Variants in NR3C2 observed in about 807,000 individuals in gnomAD.
NR3C2 encodes mineralocorticoid receptor.
A neutral mutation model predicts 86.4 loss-of-function variants in NR3C2; 15 were observed. That is an observed-to-expected ratio of 0.17 (90% confidence interval 0.12 to 0.27). NR3C2 has a LOEUF of 0.27. Ranked by LOEUF, NR3C2 falls within the 10% of genes least tolerant of loss-of-function variation. The pLI is 1.00. For missense variants in NR3C2, 960 were observed against 1,195.6 expected, an observed-to-expected ratio of 0.80 and a Z score of 2.91; for synonymous variants, 458 against 450.5, an observed-to-expected ratio of 1.02 and a Z score of -0.21.
chr4:148,092,060 C>T (rs1244719334), intron 8 of NR3C2, among the ~76,000 whole-genome samples: 6 of 152,144 alleles, frequency 3.9e-5, no homozygotes, highest in South Asian at 4.2e-4. Flanking sequence ...ACAGCTCTCC[C>T]GGGGATGCCC....
intron 2 of NR3C2, among the ~76,000 whole-genome samples, chr4:148,306,456 T>C (rs371595952): frequency 6.6e-6 from 1 of 152,162 alleles, no homozygotes; most frequent in East Asian, 1.9e-4. Context: ...TTCCAACATA[T>C]CCCGAAGTTT....
At chr4:148,250,205 G>A (rs1447793041) in intron 3 of NR3C2, among the ~76,000 whole-genome samples, 1 of 151,988 alleles carries the variant, frequency 6.6e-6, no homozygotes, top group Non-Finnish European at 1.5e-5. Context: ...TAGATATTGA[G>A]GAATAAGGTT....
upstream of NR3C2, chr4:148,444,168 G>A: frequency 2.0e-6 from 2 of 985,392 alleles, no homozygotes; most frequent in Non-Finnish European, 2.4e-6. Flanking sequence ...CTGGGCACGC[G>A]AGGCGGCGGC....
intron 3 of NR3C2, among the ~76,000 whole-genome samples, chr4:148,213,338 C>G (rs1438113280): frequency 6.6e-6 from 1 of 152,072 alleles, no homozygotes; most frequent in African/African-American, 2.4e-5. Context: ...ATCATACCAG[C>G]AAACCCAAGG....
At chr4:148,214,289 G>A (rs1359081866) in intron 3 of NR3C2, among the ~76,000 whole-genome samples, 1 of 152,098 alleles carries the variant, frequency 6.6e-6, no homozygotes, top group African/African-American at 2.4e-5. Context: ...TGGGCCTTAA[G>A]CTAAGAAAGA....
At chr4:148,335,177 A>G (rs1350025778) in intron 2 of NR3C2, among the ~76,000 whole-genome samples, 1 of 152,322 alleles carries the variant, frequency 6.6e-6, no homozygotes, top group Non-Finnish European at 1.5e-5. Context: ...GTGGGAGAAG[A>G]TAATTCAGCC....
At chr4:148,421,036 T>C (rs1267894675) in intron 2 of NR3C2, among the ~76,000 whole-genome samples, 2 of 152,202 alleles carry the variant, frequency 1.3e-5, no homozygotes, top group Middle Eastern at 3.2e-3. Flanking sequence ...AACAGACTAA[T>C]ACACCCAGGA....
intron 2 of NR3C2, among the ~76,000 whole-genome samples, chr4:148,426,886 TA>T (rs1358690032): frequency 2.6e-5 from 4 of 152,162 alleles, no homozygotes; most frequent in Non-Finnish European, 5.9e-5. Context: ...GTCTGGCACT[TA>T]AAACTCATGT....
At chr4:148,303,111 T>G (rs1176559317) in intron 2 of NR3C2, among the ~76,000 whole-genome samples, 1 of 152,214 alleles carries the variant, frequency 6.6e-6, no homozygotes, top group African/African-American at 2.4e-5. Context: ...AAAGTCTATT[T>G]TGCAAACAAC....
At chr4:148,227,210 G>C (rs1235245760) in intron 3 of NR3C2, among the ~76,000 whole-genome samples, 2 of 152,104 alleles carry the variant, frequency 1.3e-5, no homozygotes, top group African/African-American at 2.4e-5. Flanking sequence ...TCATGACCTT[G>C]ACACTTTTGA....
intron 7 of NR3C2, among the ~76,000 whole-genome samples, chr4:148,117,740 C>G (rs1037035926): frequency 6.6e-6 from 1 of 152,198 alleles, no homozygotes; most frequent in Non-Finnish European, 1.5e-5. Flanking sequence ...TAGACCCAGT[C>G]CTCTCTGCTG....
At chr4:148,096,886 G>C (rs1279516929) in intron 8 of NR3C2, among the ~76,000 whole-genome samples, 1 of 152,186 alleles carries the variant, frequency 6.6e-6, no homozygotes, top group Non-Finnish European at 1.5e-5. Flanking sequence ...GCGCACTACA[G>C]AAGTTCGCTG....
chr4:148,382,348 C>T (rs888817299), intron 2 of NR3C2, among the ~76,000 whole-genome samples: 19 of 152,264 alleles, frequency 1.2e-4, no homozygotes, highest in Admixed American at 5.2e-4. Flanking sequence ...GAATATGGTC[C>T]GTGCACTTAA....
At chr4:148,289,662 T>C (rs1715709718) in intron 2 of NR3C2, among the ~76,000 whole-genome samples, 1 of 152,168 alleles carries the variant, frequency 6.6e-6, no homozygotes, top group African/African-American at 2.4e-5. Context: ...CCCTTGAGAA[T>C]TGGGTTGGGC....
chr4:148,406,007 A>T (rs549186244), intron 2 of NR3C2, among the ~76,000 whole-genome samples: 25 of 152,232 alleles, frequency 1.6e-4, no homozygotes, highest in South Asian at 4.2e-4. Context: ...TTAAAAAAAA[A>T]TTTTTAAATT....
chr4:148,198,397 G>T (rs1736540542), intron 3 of NR3C2, among the ~76,000 whole-genome samples: 1 of 152,074 alleles, frequency 6.6e-6, no homozygotes, highest in African/African-American at 2.4e-5. Context: ...AGAAAATACA[G>T]ATTATGTGAC....
intron 2 of NR3C2, among the ~76,000 whole-genome samples, chr4:148,356,106 C>A (rs778102914): frequency 8.6e-5 from 13 of 152,014 alleles, no homozygotes; most frequent in Admixed American, 2.6e-4. Context: ...TTCAGATCTA[C>A]AGAATAAAAC....
chr4:148,180,626 G>A (rs1195310270), intron 4 of NR3C2, among the ~76,000 whole-genome samples: 1 of 152,058 alleles, frequency 6.6e-6, no homozygotes, highest in East Asian at 1.9e-4. Context: ...ACCATCTTTG[G>A]TGTTCTAACA....
At chr4:148,275,080 A>G (rs554913602) in intron 2 of NR3C2, among the ~76,000 whole-genome samples, 66 of 152,326 alleles carry the variant, frequency 4.3e-4, no homozygotes, top group Middle Eastern at 3.4e-3. Flanking sequence ...ATCTAACTTC[A>G]CTGTTTATCT....
Sources: gnomAD v4.1 joint callset for allele counts (sites outside exome capture counted in the v4.1 genomes callset) on GRCh38, gnomAD v4.1.1 for gene constraint, MANE v1.5 for transcripts, NCBI Gene and HGNC (gene_info 2026-07-23, HGNC 2026-07-21) for gene names.